Variants in TMED5 observed in about 807,000 individuals in gnomAD.
TMED5 encodes transmembrane emp24 domain-containing protein 5.
TMED5 carries 27 observed loss-of-function variants against 23.0 expected under a neutral mutation model. The observed-to-expected ratio is 1.17, with a 90% confidence interval of 0.86 to 1.62. The LOEUF (loss-of-function observed/expected upper bound fraction) is 1.62, where lower values mean the gene tolerates loss of function less well. Ranked by LOEUF, TMED5 falls within the 40% of genes most tolerant of loss-of-function variation. TMED5 has a pLI of 0.00. For synonymous variants in TMED5, 97 were observed against 100.8 expected (o/e 0.96, Z 0.23); for missense variants, 248 against 273.7 (o/e 0.91, Z 0.66).
intron 2 of TMED5, among the ~76,000 whole-genome samples, chr1:93,158,577 G>GTTTTT (rs35305642): frequency 1.4e-5 from 2 of 143,554 alleles, no homozygotes; most frequent in African/African-American, 2.6e-5. Flanking sequence ...TACATTTTTA[G>GTTTTT]TTTTGTTTTT....
chr1:93,167,046 C>A (rs1003124202), intron 1 of TMED5, among the ~76,000 whole-genome samples: 2 of 152,072 alleles, frequency 1.3e-5, no homozygotes, highest in African/African-American at 4.8e-5. Flanking sequence ...GTTCTTGGCA[C>A]CTATGTCAAA....
Position 93,152,809 on chromosome 1 carries a change from G to A in TMED5, c.*1861C>T, listed in dbSNP as rs1051942564. 1.3e-5 allele frequency: 2 copies of A among 152,540 alleles called. No individual in the cohort carries two copies. Among genetic ancestry groups the A allele is most frequent in the African/African-American group, 4.8e-5 (2 of 41,426 alleles). 9.4% of individuals were successfully genotyped at this position (152,540 alleles called of 1,614,324 possible). On this transcript the variant is annotated 3_prime_UTR_variant, in exon 4 of 4. Transcript: ENST00000370282. ...TGCAAATTTAACAGCGCAAAAGGGA[G>A]GGGTATTCATAGGCAAGGATCTTAT...
intron 1 of TMED5, among the ~76,000 whole-genome samples, chr1:93,165,153 T>C (rs760750560): frequency 6.6e-6 from 1 of 152,264 alleles, no homozygotes; most frequent in Non-Finnish European, 1.5e-5. Flanking sequence ...TGCAGCCCTG[T>C]GAGAGATCCA....
Position 93,169,067 on chromosome 1 carries a change from T to C in TMED5, c.190-8841A>G, listed in dbSNP as rs532470292. 4.5e-4 allele frequency among the ~76,000 whole-genome samples: 68 copies of C among 152,316 alleles called. 1 individual carries two copies. The South Asian group carries it at 6.9e-3, about 15-fold the overall frequency. ...AGGCAAAAAATCAGTAAGGATATAGTTGAACTGAACAGCACCATCAATCAA... is the reference window on the plus strand; with the variant it reads ...AGGCAAAAAATCAGTAAGGATATAGCTGAACTGAACAGCACCATCAATCAA... On this transcript the variant is annotated intron_variant, in intron 1 of 3. Coordinates refer to ENST00000370282, the MANE Select transcript of TMED5 (RefSeq NM_016040.5).
At position 93,154,620 on chromosome 1, in the gene TMED5, T is replaced by C. The variant is rs765955974; in HGVS notation, c.*50A>G. Reference sequence around the variant, plus strand: ...TAATGGTCTTGACTGTAACAGTTTATTGCATTTTTATGCCTCATTTTTCAA... The same window carrying C: ...TAATGGTCTTGACTGTAACAGTTTACTGCATTTTTATGCCTCATTTTTCAA... On this transcript the variant is annotated 3_prime_UTR_variant, in exon 4 of 4. Transcript: ENST00000370282. 1 of 1,330,026 alleles carries C rather than the reference T, an allele frequency of 7.5e-7. No individual in the cohort carries two copies. Among genetic ancestry groups the C allele is most frequent in the East Asian group, 2.3e-5 (1 of 43,268 alleles). The allele number at this position is 1,330,026 out of a possible 1,614,324, so 82.4% of individuals were successfully genotyped here.
At chr1:93,175,175 T>TATA (rs1648864062) in intron 1 of TMED5, among the ~76,000 whole-genome samples, 3 of 119,872 alleles carry the variant, frequency 2.5e-5, no homozygotes, top group Admixed American at 8.2e-5. Flanking sequence ...TAAAAGCCAT[T>TATA]TATATATATA....
chr1:93,157,634 T>TTA (rs1231056811), intron 2 of TMED5, among the ~76,000 whole-genome samples: 1 of 152,070 alleles, frequency 6.6e-6, no homozygotes, highest in Non-Finnish European at 1.5e-5. Context: ...GCCCAGTACT[T>TTA]TAGGCTGCAG....
intron 1 of TMED5, among the ~76,000 whole-genome samples, chr1:93,164,070 G>T (rs1208741833): frequency 6.6e-6 from 1 of 151,618 alleles, no homozygotes; most frequent in African/African-American, 2.4e-5. Context: ...ACTGTTAAAA[G>T]TTAGGTTAAA....
At chr1:93,169,918 C>CACACACACACAA (rs948626908) in intron 1 of TMED5, among the ~76,000 whole-genome samples, 12 of 151,296 alleles carry the variant, frequency 7.9e-5, no homozygotes, top group Admixed American at 7.2e-4. Flanking sequence ...CACACACACA[C>CACACACACACAA]AAAATTAGGC....
chr1:93,156,404 C>G lies in TMED5; in HGVS notation c.367G>C (p.Glu123Gln), dbSNP rs750701248. 5 of 1,613,716 alleles carry G rather than the reference C, an allele frequency of 3.1e-6. No individual in the cohort carries two copies. Among genetic ancestry groups the G allele is most frequent in the Non-Finnish European group, 4.2e-6 (5 of 1,179,902 alleles). The change falls in exon 3 of 4, where the codon GAA becomes CAA. Residue 123 changes from glutamate to glutamine, a missense_variant. Coordinates refer to ENST00000370282, the MANE Select transcript of TMED5 (RefSeq NM_016040.5). ...TCTCCCATATTATCCAGGATTAATT[C>G]AAAGAAAATCACCTTCTCAGAAATG... Reference protein sequence around the residue: ...STISEKVIFFELILDNMGEQA... With the variant: ...STISEKVIFFQLILDNMGEQA...
At chr1:93,156,210 T>C in intron 3 of TMED5, 90 bp downstream of exon 3, 1 of 1,274,076 alleles carries the variant, frequency 7.8e-7, no homozygotes. Flanking sequence ...TCCTGGATAA[T>C]GCAGATAAAA....
chr1:93,157,878 A>C (rs1648128090), intron 2 of TMED5, among the ~76,000 whole-genome samples: 1 of 152,188 alleles, frequency 6.6e-6, no homozygotes, highest in South Asian at 2.1e-4. Context: ...TAATCCCAGC[A>C]CTTTGGGAGG....
chr1:93,171,872 T>A (rs763313063), intron 1 of TMED5, among the ~76,000 whole-genome samples: 1 of 152,242 alleles, frequency 6.6e-6, no homozygotes, highest in Non-Finnish European at 1.5e-5. Flanking sequence ...ACCAGATGGA[T>A]TTGTTCCAAG....
chr1:93,169,744 T>C (rs1648640241), intron 1 of TMED5, among the ~76,000 whole-genome samples: 1 of 152,140 alleles, frequency 6.6e-6, no homozygotes, highest in South Asian at 2.1e-4. Flanking sequence ...TAATTATCTA[T>C]GGACATTAAA....
intron 2 of TMED5, among the ~76,000 whole-genome samples, chr1:93,156,929 A>G (rs1346131392): frequency 6.6e-6 from 1 of 152,148 alleles, no homozygotes; most frequent in Non-Finnish European, 1.5e-5. Flanking sequence ...ATTTCTTGGG[A>G]AAGAAGCAAC....
At position 93,156,482 on chromosome 1, in the gene TMED5, C is replaced by T. The variant is rs967518822; in HGVS notation, c.289G>A (p.Val97Ile). The T allele has an allele frequency of 6.2e-7, 1 of 1,610,354 alleles. No homozygotes were observed. The highest frequency in any genetic ancestry group is 8.5e-7 in the Non-Finnish European group (1 of 1,177,790). The part of the protein sequence containing the change: ...EQRKSDGVHT[V>I]ETEVGDYMFC... Reference sequence around the variant, plus strand: ...ATGTAATCACCAACTTCAGTCTCTACACTGTATAAAAAAAAGTACATGTTT... The same window carrying T: ...ATGTAATCACCAACTTCAGTCTCTATACTGTATAAAAAAAAGTACATGTTT... Residue 97 changes from valine to isoleucine, a missense_variant and splice_region_variant, in exon 3 of 4, where the codon GTA becomes ATA. Val to Ile is a conservative substitution (Grantham distance 29). Coordinates refer to ENST00000370282, the MANE Select transcript of TMED5 (RefSeq NM_016040.5).
In TMED5 at chr1:93,154,958, C is replaced by T; in HGVS notation, c.472-70G>A. ...ATTTTAACTTAATTAAAAAATGAGG[C>T]TGGGTGCAGTGACTCATGCCTTGTA... On this transcript the variant is annotated intron_variant, in intron 3 of 3. Transcript: ENST00000370282. The T allele has an allele frequency of 3.4e-6, 4 of 1,169,112 alleles. No homozygotes were observed. The South Asian group carries it at 6.0e-5, about 18-fold the overall frequency. 72.4% of individuals were successfully genotyped at this position (1,169,112 alleles called of 1,614,324 possible).
chr1:93,180,338 C>T lies in TMED5; in HGVS notation c.-96G>A, dbSNP rs1478480642. On this transcript the variant is annotated 5_prime_UTR_variant, in exon 1 of 4. Coordinates refer to ENST00000370282, the MANE Select transcript of TMED5 (RefSeq NM_016040.5). ...GACTCCTCGTGGTTGACAGGGAAAT[C>T]TGGAGTCTGAAGAAACTCCAGGTGG... The T allele has an allele frequency of 7.0e-7, 1 of 1,420,780 alleles. No individual in the cohort carries two copies. The highest frequency in any genetic ancestry group is 9.4e-7 in the Non-Finnish European group (1 of 1,062,212). The allele number at this position is 1,420,780 out of a possible 1,614,324, so 88.0% of individuals were successfully genotyped here. A position where few individuals can be genotyped will look rare whatever the true frequency, so the allele number is the denominator to read the frequency against.
At chr1:93,179,789 T>A (rs1480027436) in intron 1 of TMED5, 7 of 443,602 alleles carry the variant, frequency 1.6e-5, no homozygotes, top group Non-Finnish European at 2.8e-5. Flanking sequence ...GCCAGCGACA[T>A]CACCAGTTCT....
Sources: gnomAD v4.1 joint callset for allele counts (sites outside exome capture counted in the v4.1 genomes callset) on GRCh38, gnomAD v4.1.1 for gene constraint, MANE v1.5 for transcripts, NCBI Gene and HGNC (gene_info 2026-07-23, HGNC 2026-07-21) for gene names.